Variants in DHX35 observed in about 807,000 individuals in gnomAD.
The protein encoded by DHX35 is DEAH-box helicase 35.
Under a neutral mutation model 99.6 loss-of-function variants are expected in DHX35, and 84 were observed. That is an observed-to-expected ratio of 0.84 (90% CI 0.71 to 1.01). The LOEUF (loss-of-function observed/expected upper bound fraction) is 1.01, where lower values mean the gene tolerates loss of function less well. DHX35 is among the 50% of genes least tolerant of loss of function. The probability of loss-of-function intolerance (pLI) is 0.00; values close to 1 mark genes in which losing one functional copy is unlikely to be tolerated. For synonymous variants in DHX35, 331 were observed against 316.2 expected (o/e 1.05, Z -0.50); for missense variants, 852 against 888.5 (o/e 0.96, Z 0.52).
chr20:39,030,837 T>C lies in DHX35; in HGVS notation c.1955+62T>C, dbSNP rs566802497. 3.2e-6 allele frequency: 5 copies of C among 1,556,620 alleles called. No individual in the cohort carries two copies. In the African/African-American group the frequency reaches 6.8e-5, roughly 21 times the overall value. On this transcript the variant is annotated intron_variant, in intron 20 of 21. Coordinates refer to ENST00000252011, the MANE Select transcript of DHX35 (RefSeq NM_021931.4). ...GAACAGGGCCATGTTCTTGTTTTTC[T>C]CCTGTACATGTTTCTTGACATCGCC... is the stretch of plus-strand genomic sequence containing the variant.
intron 5 of DHX35, among the ~76,000 whole-genome samples, chr20:38,990,960 A>C (rs2086328672): frequency 6.6e-6 from 1 of 152,100 alleles, no homozygotes. Flanking sequence ...CAGGATCTGA[A>C]CTCCCAGCAG....
At chr20:39,000,084 G>A (rs993581224) in intron 8 of DHX35, among the ~76,000 whole-genome samples, 3 of 152,180 alleles carry the variant, frequency 2.0e-5, no homozygotes, top group African/African-American at 7.2e-5. Flanking sequence ...CTCCCTTAGG[G>A]ACCCCTTTAC....
At position 38,972,614 on chromosome 20, in the gene DHX35, G is replaced by A. The variant is rs755511657; in HGVS notation, c.230G>A (p.Gly77Asp). The change falls in exon 3 of 22, where the codon GGT becomes GAT. Residue 77 changes from glycine to aspartate, a missense_variant. Transcript: ENST00000252011. ...AATTATCAGACAGTGGTGATTGTTGGTGAAACAGGATGTGGGAAGAGCACA... is the reference window on the plus strand; with the variant it reads ...AATTATCAGACAGTGGTGATTGTTGATGAAACAGGATGTGGGAAGAGCACA... ...IENYQTVVIV[G>D]ETGCGKSTQI... 6.2e-7 allele frequency: 1 copy of A among 1,612,868 alleles called. No homozygotes were observed. The highest frequency in any genetic ancestry group is 1.7e-5 in the Admixed American group (1 of 60,006).
chr20:38,964,417 C>G (rs989806276), intron 1 of DHX35, among the ~76,000 whole-genome samples: 1 of 151,748 alleles, frequency 6.6e-6, no homozygotes, highest in African/African-American at 2.4e-5. Context: ...TTAGACTTCA[C>G]TGTTTTTTTG....
chr20:38,966,486 A>G (rs1373904170), intron 1 of DHX35, among the ~76,000 whole-genome samples: 2 of 152,226 alleles, frequency 1.3e-5, no homozygotes, highest in Non-Finnish European at 2.9e-5. Flanking sequence ...CCTGGCTAAC[A>G]TGGTGTGACC....
chr20:38,977,794 G>A (rs760134013), intron 3 of DHX35: 120 of 501,182 alleles, frequency 2.4e-4, no homozygotes, highest in Non-Finnish European at 4.3e-4. Context: ...AAGGATTCTT[G>A]TCCTTTTGAT....
chr20:38,978,354 T>C (rs576849271), intron 3 of DHX35: 7 of 734,410 alleles, frequency 9.5e-6, no homozygotes, highest in South Asian at 1.4e-5. Context: ...TGATGGCCTT[T>C]AGTTCACAAC....
At chr20:39,034,506 C>T (rs200624318) in intron 21 of DHX35, among the ~76,000 whole-genome samples, 189 bp downstream of exon 21, 1 of 151,982 alleles carries the variant, frequency 6.6e-6, no homozygotes, top group East Asian at 1.9e-4. Context: ...TAGTGAAGTG[C>T]AATTAAAAAT....
intron 7 of DHX35, among the ~76,000 whole-genome samples, chr20:38,992,664 T>G (rs922128772): frequency 4.6e-5 from 7 of 152,084 alleles, no homozygotes; most frequent in African/African-American, 1.7e-4. Flanking sequence ...TTTGGCATAC[T>G]AGGGATTGAT....
At chr20:39,002,235 G>T (rs904741451) in intron 9 of DHX35, among the ~76,000 whole-genome samples, 1 of 152,204 alleles carries the variant, frequency 6.6e-6, no homozygotes, top group Admixed American at 6.5e-5. Flanking sequence ...GGCATTTTTA[G>T]GAGTAGCCTA....
At chr20:39,021,087 C>G (rs2086865376) in intron 15 of DHX35, among the ~76,000 whole-genome samples, 1 of 152,232 alleles carries the variant, frequency 6.6e-6, no homozygotes, top group South Asian at 2.1e-4. Flanking sequence ...TTGCTGGTGA[C>G]TGTTTCCAGG....
At chr20:39,007,941 A>G (rs1412689974) in intron 12 of DHX35, among the ~76,000 whole-genome samples, 2 of 152,234 alleles carry the variant, frequency 1.3e-5, no homozygotes, top group African/African-American at 2.4e-5. Context: ...CATTAAAGTG[A>G]ACAATTTATT....
intron 2 of DHX35, among the ~76,000 whole-genome samples, chr20:38,969,447 A>T (rs903023033): frequency 1.1e-4 from 17 of 152,272 alleles, no homozygotes; most frequent in African/African-American, 4.1e-4. Flanking sequence ...TGGAGGAATT[A>T]GAATGACTTT....
At chr20:39,025,165 T>C (rs2086934730) in intron 17 of DHX35, 65 bp from the exon 18 acceptor site, 1 of 1,523,630 alleles carries the variant, frequency 6.6e-7, no homozygotes, top group Non-Finnish European at 8.9e-7. Context: ...GAATGATCTT[T>C]ACAACATAGC....
At chr20:38,992,543 C>A in intron 7 of DHX35, 118 bp downstream of exon 7, 1 of 912,106 alleles carries the variant, frequency 1.1e-6, no homozygotes, top group Non-Finnish European at 1.8e-6. Flanking sequence ...TAAAATCATC[C>A]ATAATCCTAC....
rs1014114157 is a variant in DHX35, at chr20:38,969,169, T to C, written c.129T>C (p.Ala43=). ...SGTTVVYNPY[A]ALSIEQQRQK... ...CAACGGTTGTTTACAACCCTTATGC[T>C]GCCCTTTCCATAGAGCAGCAGAGGC... Residue 43 remains alanine (A), a synonymous_variant, in exon 2 of 22, where the codon GCT becomes GCC. Coordinates refer to ENST00000252011, the MANE Select transcript of DHX35 (RefSeq NM_021931.4). 57 of 1,613,584 alleles carry C rather than the reference T, an allele frequency of 3.5e-5. No individual in the cohort carries two copies. Among genetic ancestry groups the C allele is most frequent in the Non-Finnish European group, 4.8e-5 (57 of 1,179,688 alleles).
chr20:38,999,800 G>C (rs1382373041), intron 8 of DHX35, among the ~76,000 whole-genome samples: 2 of 152,186 alleles, frequency 1.3e-5, no homozygotes, highest in African/African-American at 4.8e-5. Flanking sequence ...TGGAGTCTGG[G>C]ATTCAGCTCA....
At chr20:38,979,707 A>G (rs1056418659) in intron 3 of DHX35, among the ~76,000 whole-genome samples, 1 of 152,190 alleles carries the variant, frequency 6.6e-6, no homozygotes, top group Non-Finnish European at 1.5e-5. Flanking sequence ...AAGGATACGG[A>G]GCAGGTTTTT....
intron 21 of DHX35, among the ~76,000 whole-genome samples, chr20:39,035,154 C>T (rs1184655850): frequency 6.6e-6 from 1 of 152,204 alleles, no homozygotes; most frequent in Admixed American, 6.5e-5. Context: ...TCACTGCAAC[C>T]TCTGCTTCCC....
Sources: gnomAD v4.1 joint callset for allele counts (sites outside exome capture counted in the v4.1 genomes callset) on GRCh38, gnomAD v4.1.1 for gene constraint, MANE v1.5 for transcripts, NCBI Gene and HGNC (gene_info 2026-07-23, HGNC 2026-07-21) for gene names.